The following CALN1 variants were observed in gnomAD, a reference collection of about 807,000 sequenced individuals.
The protein encoded by CALN1 is calneuron 1, also known as calcium-binding protein 8.
In CALN1, 17 loss-of-function variants were observed where a neutral mutation model predicts 30.6. The observed-to-expected ratio is 0.56, with a 90% CI of 0.38 to 0.83. CALN1 has a LOEUF of 0.83. CALN1 is among the 40% of genes least tolerant of loss of function. The pLI is 0.00. For synonymous variants in CALN1, 156 were observed against 131.4 expected (o/e 1.19, Z -1.28); for missense variants, 291 against 354.9 (o/e 0.82, Z 1.45).
chr7:72,088,910 A>G (rs1016001916), intron 4 of CALN1, among the ~76,000 whole-genome samples: 1 of 152,102 alleles, frequency 6.6e-6, no homozygotes, highest in East Asian at 1.9e-4. Flanking sequence ...TACTAAGAGG[A>G]TTAATGCTTG....
At chr7:72,396,011 C>T (rs1055974883) in intron 2 of CALN1, among the ~76,000 whole-genome samples, 4 of 151,750 alleles carry the variant, frequency 2.6e-5, no homozygotes, top group East Asian at 1.9e-4. Flanking sequence ...TGCTTGACAT[C>T]GCTCCTTCTG....
At chr7:72,488,270 C>T in the CALN1 span, among the ~76,000 whole-genome samples, 2 of 151,966 alleles carry the variant, frequency 1.3e-5, no homozygotes, top group East Asian at 3.9e-4. Context: ...ACTTGGGAGG[C>T]TGAGGCAGGA....
At chr7:72,351,426 A>G (rs1802910694) in intron 2 of CALN1, among the ~76,000 whole-genome samples, 1 of 152,184 alleles carries the variant, frequency 6.6e-6, no homozygotes, top group Non-Finnish European at 1.5e-5. Flanking sequence ...ATGTGAATAA[A>G]AATAAAAAGT....
chr7:72,244,243 T>C (rs1795021411), intron 3 of CALN1, among the ~76,000 whole-genome samples: 1 of 152,298 alleles, frequency 6.6e-6, no homozygotes, highest in African/African-American at 2.4e-5. Flanking sequence ...ATATAGCAGA[T>C]GTTCAGGAAA....
intron 3 of CALN1, among the ~76,000 whole-genome samples, chr7:72,191,029 G>A (rs374017904): frequency 7.9e-5 from 12 of 152,244 alleles, no homozygotes; most frequent in African/African-American, 2.6e-4. Context: ...ACTATTGTAC[G>A]GCAAGAACCA....
Position 72,016,998 on chromosome 7 carries a change from CAAA to C in CALN1, c.501+6656_501+6658del, listed in dbSNP as rs754201004. ...CAAAACCCCGTGTTTACTAAAAATA[CAAA>C]AAAAAAAAAAAAAAAAGCTGGGTAT... On this transcript the variant is annotated intron_variant, in intron 5 of 6. Coordinates refer to ENST00000395275, the MANE Select transcript of CALN1 (RefSeq NM_031468.4). Among the ~76,000 whole-genome samples, 15 of 31,958 alleles carry C rather than the reference CAAA, an allele frequency of 4.7e-4. No individual in the cohort carries two copies. In the South Asian group the frequency reaches 0.012, roughly 26 times the overall value. The allele number at this position is 31,958 out of a possible 152,430, so 21.0% of individuals were successfully genotyped here.
At chr7:72,490,424 T>C in the CALN1 span, among the ~76,000 whole-genome samples, 1 of 152,192 alleles carries the variant, frequency 6.6e-6, no homozygotes, top group Admixed American at 6.5e-5. Flanking sequence ...TCCTCTGCCA[T>C]TTACCCACTG....
chr7:71,897,181 T>G (rs1173418123), intron 5 of CALN1, among the ~76,000 whole-genome samples: 1 of 152,228 alleles, frequency 6.6e-6, no homozygotes, highest in African/African-American at 2.4e-5. Context: ...GAGTCCAGCA[T>G]CACAGGCCTT....
intron 5 of CALN1, among the ~76,000 whole-genome samples, chr7:71,871,901 C>T (rs9638637): frequency 0.58 from 87,761 of 151,942 alleles, 26,394 homozygotes; most frequent in African/African-American, 0.74. Flanking sequence ...TTTCATCTTC[C>T]ACCATGGTCT....
At position 71,858,087 on chromosome 7, in the gene CALN1, C is replaced by A. The variant is rs145872742; in HGVS notation, c.502-47595G>T. Among the ~76,000 whole-genome samples the A allele has an allele frequency of 1.7e-3, 260 of 152,252 alleles. 3 individuals are homozygous for A. The East Asian group carries it at 0.019, about 11-fold the overall frequency. ...CATCTTGAATTGTAGTTCCCATAAT[C>A]CCCACGTGTCATGGGAGGGACCCTG... On this transcript the variant is annotated intron_variant, in intron 5 of 6. Transcript: ENST00000395275.
At chr7:72,141,151 C>T (rs1427920007) in intron 3 of CALN1, among the ~76,000 whole-genome samples, 1 of 152,138 alleles carries the variant, frequency 6.6e-6, no homozygotes, top group Non-Finnish European at 1.5e-5. Context: ...AAATTAATCT[C>T]ACTGGATGCG....
At chr7:72,314,175 C>G (rs890076208) in intron 2 of CALN1, among the ~76,000 whole-genome samples, 4 of 152,116 alleles carry the variant, frequency 2.6e-5, no homozygotes, top group Admixed American at 2.6e-4. Context: ...TCAAGGGGCC[C>G]TCTGCCACCA....
intron 3 of CALN1, among the ~76,000 whole-genome samples, chr7:72,122,972 T>C (rs1355447298): frequency 2.6e-5 from 4 of 152,152 alleles, no homozygotes; most frequent in African/African-American, 9.7e-5. Flanking sequence ...GCAATAGCTA[T>C]AGAGACCACG....
chr7:72,343,421 G>A (rs1304223847), intron 2 of CALN1, among the ~76,000 whole-genome samples: 1 of 152,058 alleles, frequency 6.6e-6, no homozygotes, highest in Non-Finnish European at 1.5e-5. Flanking sequence ...GGTGGCGCAT[G>A]CCTGTAATCC....
At chr7:72,316,891 A>T (rs556370412) in intron 2 of CALN1, among the ~76,000 whole-genome samples, 1 of 151,802 alleles carries the variant, frequency 6.6e-6, no homozygotes, top group East Asian at 1.9e-4. Flanking sequence ...GCTACAGTCA[A>T]CTATGATGGC....
chr7:72,205,910 A>G (rs1376353005), intron 3 of CALN1, among the ~76,000 whole-genome samples: 1 of 152,116 alleles, frequency 6.6e-6, no homozygotes, highest in Non-Finnish European at 1.5e-5. Context: ...ACACTTCCCC[A>G]ATCATGTTTA....
intron 5 of CALN1, among the ~76,000 whole-genome samples, chr7:71,952,346 C>G (rs1323496171): frequency 6.6e-6 from 1 of 152,136 alleles, no homozygotes; most frequent in South Asian, 2.1e-4. Flanking sequence ...GTGCACCCCC[C>G]TCACCTCCTT....
At chr7:71,887,771 G>T (rs1793001293) in intron 5 of CALN1, among the ~76,000 whole-genome samples, 1 of 152,180 alleles carries the variant, frequency 6.6e-6, no homozygotes. Flanking sequence ...CAGGGATGTA[G>T]AGTTAGCAGA....
intron 5 of CALN1, among the ~76,000 whole-genome samples, chr7:71,904,819 C>T (rs1051187730): frequency 1.3e-5 from 2 of 152,078 alleles, no homozygotes; most frequent in African/African-American, 4.8e-5. Context: ...TACAATGTTA[C>T]CTGTCACTTT....
Sources: allele counts gnomAD v4.1 joint callset (sites outside exome capture counted in the v4.1 genomes callset), GRCh38; gene constraint gnomAD v4.1.1; transcripts MANE v1.5; gene names NCBI Gene and HGNC (gene_info 2026-07-23, HGNC 2026-07-21).